ZFYVE28: variants seen among roughly 807,000 people sequenced by gnomAD.
ZFYVE28 encodes the protein lateral signaling target protein 2 homolog.
ZFYVE28 carries 40 observed loss-of-function variants against 82.1 expected under a neutral mutation model. That is an observed-to-expected ratio of 0.49 (90% CI 0.38 to 0.63). ZFYVE28 has a LOEUF of 0.63. ZFYVE28 is among the 30% of genes least tolerant of loss of function. The pLI, the probability that ZFYVE28 is intolerant of heterozygous loss-of-function variation, is 0.00. For synonymous variants in ZFYVE28, 612 were observed against 546.1 expected, an observed-to-expected ratio of 1.12 and a Z score of -1.68; for missense variants, 1,321 against 1,242.1, an observed-to-expected ratio of 1.06 and a Z score of -0.96.
chr4:2,364,229 C>G (rs1411030832), intron 1 of ZFYVE28, among the ~76,000 whole-genome samples: 1 of 152,174 alleles, frequency 6.6e-6, no homozygotes, highest in African/African-American at 2.4e-5. Context: ...ACTCTGCCCA[C>G]CCGGCCTGGC....
intron 8 of ZFYVE28, among the ~76,000 whole-genome samples, chr4:2,293,579 C>T (rs1577935959): frequency 6.6e-6 from 1 of 151,922 alleles, no homozygotes; most frequent in African/African-American, 2.4e-5. Flanking sequence ...CGGTGAAACC[C>T]CGTCTCTACT....
At chr4:2,389,891 A>G (rs559728006) in intron 1 of ZFYVE28, among the ~76,000 whole-genome samples, 3 of 152,068 alleles carry the variant, frequency 2.0e-5, no homozygotes, top group East Asian at 3.9e-4. Flanking sequence ...GCGTCCCCTC[A>G]CGGCATCCCC....
intron 1 of ZFYVE28, among the ~76,000 whole-genome samples, chr4:2,414,093 C>T (rs184613349): frequency 6.6e-5 from 10 of 152,356 alleles, no homozygotes; most frequent in Admixed American, 3.3e-4. Flanking sequence ...TCCAGGGTGC[C>T]GCCCCTCTCA....
At chr4:2,329,320 T>C (rs1172519814) in intron 6 of ZFYVE28, among the ~76,000 whole-genome samples, 1 of 152,234 alleles carries the variant, frequency 6.6e-6, no homozygotes, top group Non-Finnish European at 1.5e-5. Context: ...TCAGCATCCA[T>C]GCCTTTCACC....
intron 1 of ZFYVE28, among the ~76,000 whole-genome samples, chr4:2,402,703 G>A (rs981153995): frequency 2.0e-5 from 3 of 152,186 alleles, no homozygotes; most frequent in African/African-American, 7.2e-5. Flanking sequence ...ATTAAAAACC[G>A]TAGCAGCTGT....
chr4:2,283,105 C>CATCCATCCATCCATCCATCT lies in ZFYVE28; in HGVS notation c.2052-8890_2052-8889insAGATGGATGGATGGATGGAT, dbSNP rs1411927260. ...CTGGCTGCTTCTTGTAAAAGTCATC[C>CATCCATCCATCCATCCATCT]ATCCATCCACCCACCCACCCACTCA... On this transcript the variant is annotated intron_variant, in intron 8 of 12. Transcript: ENST00000290974. Among the ~76,000 whole-genome samples the CATCCATCCATCCATCCATCT allele has an allele frequency of 2.0e-5, 3 of 151,884 alleles. No homozygotes were observed. In the East Asian group the frequency reaches 5.8e-4, roughly 29 times the overall value.
At chr4:2,283,100 T>TCATC (rs60881791) in intron 8 of ZFYVE28, among the ~76,000 whole-genome samples, 2 of 148,022 alleles carry the variant, frequency 1.4e-5, no homozygotes, top group African/African-American at 2.5e-5. Flanking sequence ...CTTGTAAAAG[T>TCATC]CATCCATCCA....
Position 2,270,762 on chromosome 4 carries a change from T to G in ZFYVE28, c.2627A>C (p.His876Pro), listed in dbSNP as rs1735833367. The change falls in exon 13 of 13, where the codon CAT becomes CCT. Residue 876 changes from histidine (H) to proline (P), a missense_variant. This residue lies in a region of ZFYVE28 where 978 missense variants were observed against 833.7 expected (regional missense o/e 1.17). Coordinates refer to ENST00000290974, the MANE Select transcript of ZFYVE28 (RefSeq NM_020972.3). ...VRVCTHCYMF[H>P]VTPFYSDKAG... The stretch of plus-strand genomic sequence containing the variant: ...CTTGTCGCTGTAGAAGGGCGTGACA[T>G]GGAACATGTAGCAGTGGGTGCACAC... 6.2e-7 allele frequency: 1 copy of G among 1,613,172 alleles called. No homozygotes were observed. The highest frequency in any genetic ancestry group is 8.5e-7 in the Non-Finnish European group (1 of 1,179,908).
At chr4:2,304,134 C>T (rs1716093581) in intron 8 of ZFYVE28, among the ~76,000 whole-genome samples, 155 bp downstream of exon 8, 1 of 152,246 alleles carries the variant, frequency 6.6e-6, no homozygotes, top group African/African-American at 2.4e-5. Flanking sequence ...CCCTGCCCCT[C>T]CTCACACACA....
At chr4:2,271,073 C>A in intron 12 of ZFYVE28, 1 of 755,124 alleles carries the variant, frequency 1.3e-6, no homozygotes, top group South Asian at 1.8e-5. Flanking sequence ...TTCACACTCG[C>A]TGTCCCCTCT....
At chr4:2,302,906 TAA>T (rs1344636599) in intron 8 of ZFYVE28, among the ~76,000 whole-genome samples, 1 of 152,248 alleles carries the variant, frequency 6.6e-6, no homozygotes, top group Non-Finnish European at 1.5e-5. Flanking sequence ...CATCGTATCC[TAA>T]GTCAGAAATG....
At chr4:2,379,375 G>A (rs1317538856) in intron 1 of ZFYVE28, among the ~76,000 whole-genome samples, 1 of 152,226 alleles carries the variant, frequency 6.6e-6, no homozygotes, top group Non-Finnish European at 1.5e-5. Flanking sequence ...GTCCCCCTAT[G>A]CCAGGACCTC....
Position 2,409,695 on chromosome 4 carries a change from G to T in ZFYVE28, c.39+8590C>A, listed in dbSNP as rs533526058. On this transcript the variant is annotated intron_variant, in intron 1 of 12. Coordinates refer to ENST00000290974, the MANE Select transcript of ZFYVE28 (RefSeq NM_020972.3). This position sits in a 1 kb window ranked among gnomAD's most constrained non-coding sequence, Gnocchi z 4.4. ...CTGAGTCCAGTACACCCACGGTGGG[G>T]TGGGGGGGCTGACCCCTGCGGGCAG... Among the ~76,000 whole-genome samples the T allele has an allele frequency of 6.6e-6, 1 of 152,254 alleles. No homozygotes were observed. Among genetic ancestry groups the T allele is most frequent in the South Asian group, 2.1e-4 (1 of 4,838 alleles).
In ZFYVE28 at chr4:2,346,132, T is replaced by G. The variant is rs1450103695; in HGVS notation, c.181-4517A>C. Among the ~76,000 whole-genome samples, 5 of 141,582 alleles carry G rather than the reference T, an allele frequency of 3.5e-5. No homozygotes were observed. The East Asian group carries it at 6.1e-4, about 17-fold the overall frequency. The allele number at this position is 141,582 out of a possible 152,430, so 92.9% of individuals were successfully genotyped here. On this transcript the variant is annotated intron_variant, in intron 2 of 12. Coordinates refer to ENST00000290974, the MANE Select transcript of ZFYVE28 (RefSeq NM_020972.3). ...TCACAAGGTCAGGAGATCGAGACCA[T>G]CCTGGCTAATACGGTGAAACCCCGT...
Position 2,304,746 on chromosome 4 carries a change from C to T in ZFYVE28, c.1594G>A (p.Ala532Thr), listed in dbSNP as rs777916676. The change falls in exon 8 of 13, where the codon GCC becomes ACC. Residue 532 changes from alanine (A) to threonine (T), a missense_variant. Physicochemically the swap from Ala to Thr is moderately conservative, Grantham distance 58. Transcript: ENST00000290974. ...KSPTSLDSAV[A>T]TQEAASEPVA... The stretch of plus-strand genomic sequence containing the variant: ...GGCTCCGAGGCGGCCTCCTGGGTGG[C>T]GACCGCAGAGTCCAGGGAAGTGGGC... 17 of 1,612,694 alleles carry T rather than the reference C, an allele frequency of 1.1e-5. No homozygotes were observed. Among genetic ancestry groups the T allele is most frequent in the Admixed American group, 3.3e-5 (2 of 60,020 alleles).
chr4:2,272,961 G>A (rs988464940), intron 10 of ZFYVE28, among the ~76,000 whole-genome samples: 3 of 152,240 alleles, frequency 2.0e-5, no homozygotes, highest in Non-Finnish European at 4.4e-5. Context: ...GGCACTTCCT[G>A]GGCCTGCTGC....
At chr4:2,298,041 G>A (rs1414419631) in intron 8 of ZFYVE28, among the ~76,000 whole-genome samples, 4 of 149,180 alleles carry the variant, frequency 2.7e-5, no homozygotes, top group Non-Finnish European at 5.9e-5. Flanking sequence ...GTGACATGGT[G>A]ACACAGTGAC....
rs190666972 is a variant in ZFYVE28, at chr4:2,355,797, G to C, written c.40-1724C>G. On this transcript the variant is annotated intron_variant, in intron 1 of 12. Transcript: ENST00000290974. ...TCCCTGTGTTGCCCAGCCTGGTCTT[G>C]AACTCCTGGCCTGAAGCCATCCTCC... Among the ~76,000 whole-genome samples, 21 of 152,280 alleles carry C rather than the reference G, an allele frequency of 1.4e-4. No individual in the cohort carries two copies. The East Asian group carries it at 3.3e-3, about 24-fold the overall frequency.
chr4:2,401,610 T>C (rs1487933896), intron 1 of ZFYVE28, among the ~76,000 whole-genome samples: 2 of 142,312 alleles, frequency 1.4e-5, no homozygotes, highest in Admixed American at 7.1e-5. Context: ...TACAGAGAGG[T>C]TTTTCAGAGG....
Sources: allele counts gnomAD v4.1 joint callset (sites outside exome capture counted in the v4.1 genomes callset), GRCh38; gene constraint gnomAD v4.1.1; regional missense constraint gnomAD v4.1.1; non-coding constraint Gnocchi (gnomAD v3.1); transcripts MANE v1.5; gene names NCBI Gene and HGNC (gene_info 2026-07-23, HGNC 2026-07-21).